TMEM140: variants seen among roughly 807,000 people sequenced by gnomAD.
TMEM140 encodes the protein transmembrane protein 140.
For synonymous variants in TMEM140, 107 were observed against 106.8 expected, an observed-to-expected ratio of 1.00 and a Z score of -0.01; for missense variants, 236 against 228.5, an observed-to-expected ratio of 1.03 and a Z score of -0.21.
intron 1 of TMEM140, among the ~76,000 whole-genome samples, chr7:135,163,258 A>T (rs766378902): frequency 3.9e-5 from 6 of 152,258 alleles, no homozygotes; most frequent in Non-Finnish European, 2.9e-5. Flanking sequence ...GTAAAAATAC[A>T]TCAGTACAGG....
chr7:135,159,553 A>T (rs1307936933), intron 1 of TMEM140, among the ~76,000 whole-genome samples: 1 of 152,200 alleles, frequency 6.6e-6, no homozygotes, highest in Non-Finnish European at 1.5e-5. Context: ...GTAACTCTTG[A>T]GTGACAGTGG....
intron 1 of TMEM140, among the ~76,000 whole-genome samples, chr7:135,150,464 T>C (rs73725240): frequency 0.037 from 5,597 of 152,292 alleles, 333 homozygotes; most frequent in African/African-American, 0.13. Flanking sequence ...TGTGTGGCAC[T>C]GATTCCCCAG....
chr7:135,158,011 A>G (rs1409096239), intron 1 of TMEM140, among the ~76,000 whole-genome samples: 2 of 151,996 alleles, frequency 1.3e-5, no homozygotes, highest in Admixed American at 6.5e-5. Flanking sequence ...AACCCGTAGC[A>G]GGCACTGGGT....
At chr7:135,152,510 C>G (rs912436675) in intron 1 of TMEM140, among the ~76,000 whole-genome samples, 1 of 152,234 alleles carries the variant, frequency 6.6e-6, no homozygotes, top group African/African-American at 2.4e-5. Context: ...AAGATGAAAA[C>G]AGTAACTCTA....
In TMEM140 at chr7:135,164,702, G is replaced by C; in HGVS notation, c.261G>C (p.Val87=). The stretch of plus-strand genomic sequence containing the variant: ...GCCTGGGCCTGGCCAGGCTTGGCGT[G>C]TACGGGTCCCTGGTCCTCACCCTCT... ...RVGLGLARLG[V]YGSLVLTLFA... is the part of the protein sequence containing the mutation. Residue 87 remains valine (V), a synonymous_variant, in exon 2 of 2, where the codon GTG becomes GTC. Transcript: ENST00000275767. 6.2e-7 allele frequency: 1 copy of C among 1,614,248 alleles called. No individual in the cohort carries two copies. Among genetic ancestry groups the C allele is most frequent in the Non-Finnish European group, 8.5e-7 (1 of 1,180,030 alleles).
intron 1 of TMEM140, among the ~76,000 whole-genome samples, chr7:135,148,795 G>C (rs1829604461): frequency 6.6e-6 from 1 of 152,170 alleles, no homozygotes; most frequent in South Asian, 2.1e-4. Flanking sequence ...GAGATGTTTA[G>C]ATCTTATGTT....
intron 1 of TMEM140, among the ~76,000 whole-genome samples, chr7:135,148,599 A>C (rs923065190): frequency 6.6e-6 from 1 of 152,234 alleles, no homozygotes; most frequent in African/African-American, 2.4e-5. Context: ...GTGTACAAGG[A>C]CATGGCTGTG....
At chr7:135,158,394 C>G (rs529643718) in intron 1 of TMEM140, among the ~76,000 whole-genome samples, 1 of 152,318 alleles carries the variant, frequency 6.6e-6, no homozygotes, top group South Asian at 2.1e-4. Flanking sequence ...ATTAAACTCT[C>G]AAAATAGCAC....
At chr7:135,163,677 T>G (rs935457799) in intron 1 of TMEM140, among the ~76,000 whole-genome samples, 2 of 152,154 alleles carry the variant, frequency 1.3e-5, no homozygotes, top group African/African-American at 4.8e-5. Flanking sequence ...ACGTCTAAGT[T>G]TTCTATAATT....
intron 1 of TMEM140, among the ~76,000 whole-genome samples, chr7:135,156,482 G>A (rs907507784): frequency 6.6e-6 from 1 of 151,646 alleles, no homozygotes; most frequent in Non-Finnish European, 1.5e-5. Context: ...CTTCTGCTTG[G>A]TGTAGTCTAC....
At chr7:135,153,882 C>G (rs1458844373) in intron 1 of TMEM140, among the ~76,000 whole-genome samples, 2 of 152,094 alleles carry the variant, frequency 1.3e-5, no homozygotes, top group Non-Finnish European at 2.9e-5. Context: ...ATTCCTTTCT[C>G]CTTGATTTTT....
chr7:135,164,321 T>C (rs1830025383), intron 1 of TMEM140, 97 bp from the exon 2 acceptor site: 1 of 1,032,020 alleles, frequency 9.7e-7, no homozygotes, highest in Non-Finnish European at 1.4e-6. Context: ...AAACTTGCCA[T>C]GAGTTTGTAA....
chr7:135,149,349 C>T (rs1291737419), intron 1 of TMEM140, among the ~76,000 whole-genome samples: 1 of 152,100 alleles, frequency 6.6e-6, no homozygotes, highest in Non-Finnish European at 1.5e-5. Flanking sequence ...TGGATGTAGT[C>T]ACACTATGTA....
intron 1 of TMEM140, among the ~76,000 whole-genome samples, chr7:135,162,159 G>A (rs970123907): frequency 4.6e-5 from 7 of 152,246 alleles, no homozygotes; most frequent in African/African-American, 7.2e-5. Context: ...AATGCAGTGT[G>A]TAGAATGAGA....
intron 1 of TMEM140, among the ~76,000 whole-genome samples, chr7:135,156,792 C>T (rs1157466480): frequency 6.6e-6 from 1 of 152,128 alleles, no homozygotes; most frequent in Non-Finnish European, 1.5e-5. Flanking sequence ...ACTGTGTCCC[C>T]ACCCAAATCT....
At chr7:135,162,525 C>T (rs1829970133) in intron 1 of TMEM140, among the ~76,000 whole-genome samples, 1 of 152,230 alleles carries the variant, frequency 6.6e-6, no homozygotes, top group Non-Finnish European at 1.5e-5. Flanking sequence ...GCCTCACAAT[C>T]ATGGTGAAAG....
At chr7:135,153,370 C>T (rs1829708963) in intron 1 of TMEM140, among the ~76,000 whole-genome samples, 1 of 145,144 alleles carries the variant, frequency 6.9e-6, no homozygotes, top group Admixed American at 7.3e-5. Flanking sequence ...AGAAGAATTG[C>T]TTGAACCTGG....
intron 1 of TMEM140, among the ~76,000 whole-genome samples, chr7:135,160,166 G>C (rs149203353): frequency 1.3e-5 from 2 of 152,326 alleles, no homozygotes; most frequent in Non-Finnish European, 2.9e-5. Context: ...GAAGTGTGCT[G>C]TTCAGAGTGG....
intron 1 of TMEM140, 78 bp from the exon 2 acceptor site, chr7:135,164,340 A>AC: frequency 8.2e-7 from 1 of 1,222,740 alleles, no homozygotes. Flanking sequence ...AAGAAATGCC[A>AC]AAGGGAGAAC....
Sources: gnomAD v4.1 joint callset for allele counts (sites outside exome capture counted in the v4.1 genomes callset) on GRCh38, gnomAD v4.1.1 for gene constraint, MANE v1.5 for transcripts, NCBI Gene and HGNC (gene_info 2026-07-23, HGNC 2026-07-21) for gene names.